The following CSMD1 variants were observed in gnomAD, a reference collection of about 807,000 sequenced individuals.
CSMD1 encodes the protein CUB and sushi domain-containing protein 1.
CSMD1 carries 213 observed loss-of-function variants against 417.5 expected under a neutral mutation model. That is an observed-to-expected ratio of 0.51 (90% CI 0.46 to 0.57). CSMD1 has a LOEUF of 0.57. CSMD1 is among the 20% of genes least tolerant of loss of function. The pLI, the probability that CSMD1 is intolerant of heterozygous loss-of-function variation, is 0.00. For synonymous variants in CSMD1, 2,862 were observed against 1,736.8 expected (o/e 1.65, Z -16.11); for missense variants, 6,923 against 4,529.7 (o/e 1.53, Z -15.17).
At chr8:3,222,920 A>G (rs1206062187) in intron 28 of CSMD1, among the ~76,000 whole-genome samples, 1 of 152,230 alleles carries the variant, frequency 6.6e-6, no homozygotes, top group African/African-American at 2.4e-5. Context: ...GAATACTGAC[A>G]TAAAGATCTG....
At chr8:4,945,555 G>T (rs544154131) in intron 1 of CSMD1, among the ~76,000 whole-genome samples, 2 of 151,888 alleles carry the variant, frequency 1.3e-5, no homozygotes, top group South Asian at 4.2e-4. Context: ...CAGTAAAAAT[G>T]CTTTAAAAAA....
rs182371055 is a variant in CSMD1 at position 3,668,692 on chromosome 8, G to A, written c.1009+39722C>T. Among the ~76,000 whole-genome samples, 17 of 152,202 alleles carry A rather than the reference G, an allele frequency of 1.1e-4. No individual in the cohort carries two copies. In the East Asian group the frequency reaches 1.9e-3, roughly 17 times the overall value. On this transcript the variant is annotated intron_variant, in intron 7 of 69. Coordinates refer to ENST00000635120, the MANE Select transcript of CSMD1 (RefSeq NM_033225.6). ...GGTGTCCAGAGATCAACCAGGAGTC[G>A]AAGTCTAGACACAGAGATGGATGAG...
chr8:4,734,749 C>T (rs937842612), intron 1 of CSMD1, among the ~76,000 whole-genome samples: 8 of 152,122 alleles, frequency 5.3e-5, no homozygotes, highest in African/African-American at 1.7e-4. Context: ...TTATTGGCTA[C>T]TTCTTTGAAG....
intron 10 of CSMD1, among the ~76,000 whole-genome samples, chr8:3,556,425 A>G (rs1042543445): frequency 6.8e-6 from 1 of 146,034 alleles, no homozygotes; most frequent in African/African-American, 2.5e-5. Flanking sequence ...TCACACACAC[A>G]AAGAATTTAT....
intron 26 of CSMD1, among the ~76,000 whole-genome samples, chr8:3,230,762 A>G (rs1383558076): frequency 3.3e-5 from 5 of 152,202 alleles, no homozygotes; most frequent in African/African-American, 9.6e-5. Context: ...TTGCCACGGC[A>G]AAATTATTAA....
chr8:3,983,981 G>C (rs534207221), intron 5 of CSMD1, among the ~76,000 whole-genome samples: 1 of 150,792 alleles, frequency 6.6e-6, no homozygotes, highest in East Asian at 2.0e-4. Context: ...GTCAATTGCA[G>C]CTCTAGAGCA....
intron 7 of CSMD1, among the ~76,000 whole-genome samples, chr8:3,651,152 G>A (rs753503293): frequency 2.0e-5 from 3 of 152,082 alleles, no homozygotes; most frequent in African/African-American, 4.8e-5. Context: ...TTTCTTGCCG[G>A]TCTTTGTACT....
At chr8:3,355,550 C>G (rs137909050) in intron 21 of CSMD1, among the ~76,000 whole-genome samples, 2 of 152,086 alleles carry the variant, frequency 1.3e-5, no homozygotes, top group East Asian at 1.9e-4. Context: ...GAGAGGAAAC[C>G]CAGGACTTGT....
chr8:4,413,031 C>G (rs1313475204), intron 3 of CSMD1, among the ~76,000 whole-genome samples: 1 of 152,136 alleles, frequency 6.6e-6, no homozygotes, highest in Non-Finnish European at 1.5e-5. Flanking sequence ...ATACAATGTT[C>G]TTTCCAGAAA....
intron 12 of CSMD1, among the ~76,000 whole-genome samples, chr8:3,445,976 A>G (rs1202553290): frequency 6.6e-6 from 1 of 152,196 alleles, no homozygotes; most frequent in African/African-American, 2.4e-5. Context: ...TTCTGGGCAC[A>G]ACAGAGGGAG....
chr8:3,986,654 C>T (rs542467827), intron 5 of CSMD1, among the ~76,000 whole-genome samples: 2 of 152,102 alleles, frequency 1.3e-5, no homozygotes, highest in Admixed American at 6.6e-5. Context: ...TTTCCTTATA[C>T]CATGAGATAT....
intron 5 of CSMD1, among the ~76,000 whole-genome samples, chr8:3,994,021 G>T (rs1814967861): frequency 6.6e-6 from 1 of 152,208 alleles, no homozygotes. Context: ...GGCAGGGAGG[G>T]AGCCAGGATG....
intron 10 of CSMD1, among the ~76,000 whole-genome samples, chr8:3,539,879 AG>A (rs1176112583): frequency 6.6e-6 from 1 of 152,222 alleles, no homozygotes. Context: ...AAACGAACTT[AG>A]AAAACGGCTT....
chr8:3,791,856 A>C (rs1414246239), intron 5 of CSMD1, among the ~76,000 whole-genome samples: 2 of 152,152 alleles, frequency 1.3e-5, no homozygotes, highest in South Asian at 4.2e-4. Flanking sequence ...TAATGTATCA[A>C]ACCCTTTGTA....
intron 10 of CSMD1, among the ~76,000 whole-genome samples, chr8:3,556,510 T>TCA (rs1395528038): frequency 1.1e-5 from 1 of 93,956 alleles, no homozygotes; most frequent in South Asian, 3.7e-4. Context: ...AACTTCTTTT[T>TCA]CACACGCACA....
At chr8:4,244,415 G>A (rs1030583477) in intron 3 of CSMD1, among the ~76,000 whole-genome samples, 1 of 152,104 alleles carries the variant, frequency 6.6e-6, no homozygotes, top group African/African-American at 2.4e-5. Flanking sequence ...AAAACTAGTA[G>A]AAAAGCAGGC....
At chr8:4,594,703 C>G (rs1585304039) in intron 2 of CSMD1, among the ~76,000 whole-genome samples, 1 of 152,154 alleles carries the variant, frequency 6.6e-6, no homozygotes, top group South Asian at 2.1e-4. Context: ...AAACTAAAAC[C>G]TTTCCATTTA....
intron 7 of CSMD1, among the ~76,000 whole-genome samples, chr8:3,679,743 C>G (rs553178638): frequency 3.3e-4 from 50 of 152,320 alleles, no homozygotes; most frequent in African/African-American, 1.1e-3. Flanking sequence ...TTCTTCTCAG[C>G]ATCACACCAC....
At chr8:3,372,648 T>C (rs567899690) in intron 18 of CSMD1, among the ~76,000 whole-genome samples, 77 of 152,212 alleles carry the variant, frequency 5.1e-4, no homozygotes, top group South Asian at 2.1e-3. Flanking sequence ...GTGAAATAAC[T>C]ACAGGTGAAG....
Sources: allele counts gnomAD v4.1 joint callset (sites outside exome capture counted in the v4.1 genomes callset), GRCh38; gene constraint gnomAD v4.1.1; transcripts MANE v1.5; gene names NCBI Gene and HGNC (gene_info 2026-07-23, HGNC 2026-07-21).